The following ARFGEF1 variants were observed in gnomAD, a reference collection of about 807,000 sequenced individuals.
ARFGEF1 encodes the protein brefeldin A-inhibited guanine nucleotide-exchange protein 1.
ARFGEF1 carries 42 observed loss-of-function variants against 231.0 expected under a neutral mutation model. The observed-to-expected ratio is 0.18, with a 90% CI of 0.14 to 0.24. ARFGEF1 has a LOEUF of 0.24. Ranked by LOEUF, ARFGEF1 falls within the 10% of genes least tolerant of loss-of-function variation. The pLI is 1.00. For synonymous variants in ARFGEF1, 710 were observed against 732.3 expected, an observed-to-expected ratio of 0.97 and a Z score of 0.49; for missense variants, 1,345 against 2,192.0, an observed-to-expected ratio of 0.61 and a Z score of 7.72.
chr8:67,321,228 T>G (rs1222563445), intron 1 of ARFGEF1, among the ~76,000 whole-genome samples: 1 of 152,062 alleles, frequency 6.6e-6, no homozygotes, highest in African/African-American at 2.4e-5. Context: ...ACACAAATCT[T>G]CATGTGTGTT....
chr8:67,279,211 AC>A (rs1785331460), intron 7 of ARFGEF1, among the ~76,000 whole-genome samples: 1 of 152,148 alleles, frequency 6.6e-6, no homozygotes, highest in Non-Finnish European at 1.5e-5. Context: ...TCCCCAGAGT[AC>A]TTATTCCAAA....
intron 1 of ARFGEF1, among the ~76,000 whole-genome samples, chr8:67,342,379 C>T (rs1450005112): frequency 6.6e-6 from 1 of 152,184 alleles, no homozygotes; most frequent in Non-Finnish European, 1.5e-5. Flanking sequence ...AATCACAATT[C>T]AAGCTTGAGA....
intron 32 of ARFGEF1, among the ~76,000 whole-genome samples, chr8:67,216,882 G>T (rs1259270428): frequency 6.6e-6 from 1 of 151,868 alleles, no homozygotes; most frequent in Non-Finnish European, 1.5e-5. Context: ...TAATTAAAAG[G>T]GTAATATGGT....
intron 1 of ARFGEF1, among the ~76,000 whole-genome samples, chr8:67,333,702 C>T (rs936840565): frequency 6.6e-6 from 1 of 152,126 alleles, no homozygotes; most frequent in Non-Finnish European, 1.5e-5. Context: ...ACAGGTTGAG[C>T]ATTCCTAAAC....
At chr8:67,225,594 G>A (rs1475653917) in intron 28 of ARFGEF1, among the ~76,000 whole-genome samples, 2 of 152,096 alleles carry the variant, frequency 1.3e-5, no homozygotes, top group Non-Finnish European at 2.9e-5. Context: ...CTCATCCATA[G>A]TCAGTCAGCT....
In ARFGEF1 at chr8:67,199,091, G is replaced by A. The variant is rs1838216836; in HGVS notation, c.5393C>T (p.Ala1798Val). Residue 1798 changes from alanine (A) to valine (V), a missense_variant, in exon 39 of 39, where the codon GCT (alanine) becomes GTT (valine). Ala to Val is a moderately conservative substitution (Grantham distance 64). Transcript: ENST00000262215. ...VLKISDNRFK[A>V]HASFYYPLLC... ...GAGAGGGTAGTAGAATGATGCATGA[G>A]CTTTAAACTGCAGGGAAAATGAATT... 6.2e-6 allele frequency: 10 copies of A among 1,605,774 alleles called. No homozygotes were observed. Among genetic ancestry groups the A allele is most frequent in the Non-Finnish European group, 7.6e-6 (9 of 1,177,994 alleles).
At chr8:67,265,875 G>T in intron 14 of ARFGEF1, 131 bp downstream of exon 14, 2 of 796,126 alleles carry the variant, frequency 2.5e-6, no homozygotes, top group Non-Finnish European at 2.0e-6. Context: ...CTGAATAGGA[G>T]CCTCGTGAAT....
At chr8:67,266,289 G>T in intron 13 of ARFGEF1, 82 bp from the exon 14 acceptor site, 1 of 1,092,532 alleles carries the variant, frequency 9.2e-7, no homozygotes, top group Non-Finnish European at 1.3e-6. Context: ...CTTGAATAAG[G>T]CAAGGCGTTT....
intron 14 of ARFGEF1, among the ~76,000 whole-genome samples, chr8:67,261,585 T>C (rs1217344695): frequency 2.0e-5 from 3 of 152,214 alleles, no homozygotes; most frequent in South Asian, 2.1e-4. Context: ...CTGATCACCT[T>C]AGAGCTCTGA....
chr8:67,211,171 C>T lies in ARFGEF1; in HGVS notation c.4819+312G>A, dbSNP rs563619781. ...CCAGCCTGGCCAATATGGTGAAACC[C>T]CGTCTCGACTAAAAATACAAAAATT... On this transcript the variant is annotated intron_variant, in intron 34 of 38. Transcript: ENST00000262215. Among the ~76,000 whole-genome samples the T allele has an allele frequency of 4.5e-4, 69 of 151,764 alleles. 2 individuals are homozygous for T. In the South Asian group the frequency reaches 6.0e-3, roughly 13 times the overall value.
chr8:67,276,201 C>A, intron 8 of ARFGEF1, 92 bp from the exon 9 acceptor site: 1 of 1,397,306 alleles, frequency 7.2e-7, no homozygotes, highest in Non-Finnish European at 9.8e-7. Flanking sequence ...AATTCACTAA[C>A]AGGTGGAGAT....
At chr8:67,316,793 T>C (rs1807337700) in intron 1 of ARFGEF1, among the ~76,000 whole-genome samples, 1 of 152,158 alleles carries the variant, frequency 6.6e-6, no homozygotes, top group Non-Finnish European at 1.5e-5. Flanking sequence ...CTGGTTGGTC[T>C]TTGTCCCTGG....
chr8:67,260,054 T>C, intron 14 of ARFGEF1, 128 bp from the exon 15 acceptor site: 2 of 454,770 alleles, frequency 4.4e-6, no homozygotes, highest in East Asian at 3.4e-5. Context: ...CATCAGTACA[T>C]GAATGTACAA....
intron 38 of ARFGEF1, 138 bp from the exon 39 acceptor site, chr8:67,199,236 T>C (rs1838224619): frequency 3.2e-6 from 3 of 950,388 alleles, no homozygotes; most frequent in Non-Finnish European, 4.6e-6. Context: ...CTCTGGTTTG[T>C]GGAACTGAGA....
chr8:67,244,238 A>C (rs13254896), intron 19 of ARFGEF1, among the ~76,000 whole-genome samples: 3 of 56,370 alleles, frequency 5.3e-5, no homozygotes, highest in African/African-American at 1.7e-4. Context: ...GCGAGACTCC[A>C]CCTCAAAAAA....
At chr8:67,188,703 C>T (rs1192174741) in intron 5 of ARFGEF1, among the ~76,000 whole-genome samples, 1 of 152,210 alleles carries the variant, frequency 6.6e-6, no homozygotes, top group Non-Finnish European at 1.5e-5. Context: ...CTGACTTCCA[C>T]CCCTCCGGAT....
At chr8:67,284,046 A>G (rs1053998345) in intron 7 of ARFGEF1, among the ~76,000 whole-genome samples, 3 of 152,220 alleles carry the variant, frequency 2.0e-5, no homozygotes, top group Non-Finnish European at 4.4e-5. Flanking sequence ...TCACTGCAGC[A>G]TTATTTGTAA....
chr8:67,277,188 T>C, intron 8 of ARFGEF1, 94 bp downstream of exon 8: 1 of 1,233,472 alleles, frequency 8.1e-7, no homozygotes, highest in Non-Finnish European at 1.1e-6. Flanking sequence ...TCAGGCAGCA[T>C]CATCAGCTGA....
At chr8:67,261,578 A>G (rs1277846409) in intron 14 of ARFGEF1, among the ~76,000 whole-genome samples, 4 of 152,216 alleles carry the variant, frequency 2.6e-5, no homozygotes, top group African/African-American at 9.6e-5. Context: ...AATGCACCTG[A>G]TCACCTTAGA....
Sources: allele counts gnomAD v4.1 joint callset (sites outside exome capture counted in the v4.1 genomes callset), GRCh38; gene constraint gnomAD v4.1.1; transcripts MANE v1.5; gene names NCBI Gene and HGNC (gene_info 2026-07-23, HGNC 2026-07-21).